GABRG3: variants seen among roughly 807,000 people sequenced by gnomAD.
GABRG3 encodes the protein gamma-aminobutyric acid receptor subunit gamma-3.
Under a neutral mutation model 48.8 loss-of-function variants are expected in GABRG3, and 25 were observed. The observed-to-expected ratio is 0.51, with a 90% CI of 0.37 to 0.72. The LOEUF (loss-of-function observed/expected upper bound fraction) is 0.72, where lower values mean the gene tolerates loss of function less well. Ranked by LOEUF, GABRG3 falls within the 30% of genes least tolerant of loss-of-function variation. The probability of loss-of-function intolerance (pLI) is 0.00; values close to 1 mark genes in which losing one functional copy is unlikely to be tolerated. For missense variants in GABRG3, 394 were observed against 577.9 expected, an observed-to-expected ratio of 0.68 and a Z score of 3.26; for synonymous variants, 227 against 217.6, an observed-to-expected ratio of 1.04 and a Z score of -0.38.
rs999262982 is a variant in GABRG3, at chr15:27,541,129, C to T, written c.*8248C>T. On this transcript the variant is annotated 3_prime_UTR_variant, in exon 10 of 10. Coordinates refer to ENST00000615808, the MANE Select transcript of GABRG3 (RefSeq NM_033223.5). ...CTTCACTACCTGATCAGGAGTCCCT[C>T]TGGGGTCCACACAAGCCTGCCTCCT... 1 of 152,222 alleles carries T rather than the reference C, an allele frequency of 6.6e-6. No homozygotes were observed. Among genetic ancestry groups the T allele is most frequent in the African/African-American group, 2.4e-5 (1 of 41,440 alleles). 9.4% of individuals were successfully genotyped at this position (152,222 alleles called of 1,614,324 possible). A position where few individuals can be genotyped will look rare whatever the true frequency, so the allele number is the denominator to read the frequency against.
intron 5 of GABRG3, chr15:27,365,675 A>C (rs1448810161): frequency 6.6e-6 from 1 of 152,132 alleles, no homozygotes; most frequent in Non-Finnish European, 1.5e-5. Flanking sequence ...CAGTTTCCCC[A>C]CTACCATTAT....
intron 2 of GABRG3, among the ~76,000 whole-genome samples, chr15:27,024,060 C>T (rs1245491708): frequency 1.3e-5 from 2 of 152,122 alleles, no homozygotes; most frequent in Middle Eastern, 3.4e-3. Context: ...TTTGCATTTC[C>T]CTAATAACTA....
At chr15:27,248,002 A>G (rs1566978930) in intron 3 of GABRG3, among the ~76,000 whole-genome samples, 1 of 152,212 alleles carries the variant, frequency 6.6e-6, no homozygotes, top group Non-Finnish European at 1.5e-5. Context: ...GATGTCCAAT[A>G]CCAGACATGC....
chr15:27,177,171 G>A (rs1887774368), intron 3 of GABRG3, among the ~76,000 whole-genome samples: 1 of 152,168 alleles, frequency 6.6e-6, no homozygotes, highest in Non-Finnish European at 1.5e-5. Context: ...TTTGTGTGCT[G>A]AGTCAATTTC....
At chr15:27,416,453 C>G (rs1438057478) in intron 5 of GABRG3, among the ~76,000 whole-genome samples, 1 of 152,144 alleles carries the variant, frequency 6.6e-6, no homozygotes, top group Non-Finnish European at 1.5e-5. Flanking sequence ...TGAGGGCAGC[C>G]TTTGCTAAGA....
At chr15:27,312,398 AT>A (rs996674150) in intron 3 of GABRG3, among the ~76,000 whole-genome samples, 1 of 152,172 alleles carries the variant, frequency 6.6e-6, no homozygotes, top group Non-Finnish European at 1.5e-5. Context: ...ACAGTAGCTA[AT>A]TTTTTTCTAA....
intron 3 of GABRG3, among the ~76,000 whole-genome samples, chr15:27,052,542 T>C (rs1896473513): frequency 6.6e-6 from 1 of 152,108 alleles, no homozygotes; most frequent in South Asian, 2.1e-4. Context: ...TGAGGGTGCA[T>C]GATGGCAGGC....
At chr15:27,217,646 A>T (rs898252988) in intron 3 of GABRG3, among the ~76,000 whole-genome samples, 4 of 152,144 alleles carry the variant, frequency 2.6e-5, no homozygotes, top group Admixed American at 2.0e-4. Flanking sequence ...AGTGCTTTGT[A>T]TTTTACACAC....
chr15:27,038,039 G>A (rs1896208519), intron 3 of GABRG3, among the ~76,000 whole-genome samples: 1 of 152,146 alleles, frequency 6.6e-6, no homozygotes, highest in Admixed American at 6.5e-5. Context: ...GTGTGCAGCT[G>A]CTTAGCAAGG....
chr15:27,243,167 C>T (rs759772484), intron 3 of GABRG3, among the ~76,000 whole-genome samples: 6 of 152,144 alleles, frequency 3.9e-5, no homozygotes, highest in Non-Finnish European at 7.3e-5. Context: ...CATAATACAA[C>T]CCCCTTCTTA....
At chr15:27,380,989 TCTC>T (rs961796351) in intron 5 of GABRG3, among the ~76,000 whole-genome samples, 51 of 152,078 alleles carry the variant, frequency 3.4e-4, no homozygotes, top group South Asian at 2.5e-3. Flanking sequence ...ACGGTCTCAA[TCTC>T]CTGACCTCGT....
At chr15:27,090,297 G>A (rs933677117) in intron 3 of GABRG3, among the ~76,000 whole-genome samples, 1 of 152,234 alleles carries the variant, frequency 6.6e-6, no homozygotes, top group Admixed American at 6.5e-5. Flanking sequence ...AAGCTATGAT[G>A]TTTGGTAGAT....
At chr15:27,173,972 T>C (rs1674034373) in intron 3 of GABRG3, among the ~76,000 whole-genome samples, 1 of 152,224 alleles carries the variant, frequency 6.6e-6, no homozygotes, top group Non-Finnish European at 1.5e-5. Flanking sequence ...TCTGATTTGA[T>C]AGCTATCAAG....
intron 3 of GABRG3, among the ~76,000 whole-genome samples, chr15:27,126,431 G>C (rs1026234911): frequency 2.6e-5 from 4 of 152,174 alleles, no homozygotes; most frequent in Non-Finnish European, 4.4e-5. Context: ...AGTAGCATCA[G>C]TACTGTTCTC....
chr15:27,421,622 T>A (rs1292122603), intron 5 of GABRG3, among the ~76,000 whole-genome samples: 1 of 150,976 alleles, frequency 6.6e-6, no homozygotes, highest in Non-Finnish European at 1.5e-5. Flanking sequence ...TTCTCAGGCA[T>A]CCATGGGAGT....
intron 3 of GABRG3, among the ~76,000 whole-genome samples, chr15:27,095,177 C>T (rs1897250659): frequency 6.6e-6 from 1 of 152,196 alleles, no homozygotes; most frequent in Non-Finnish European, 1.5e-5. Context: ...TGGACTTAGA[C>T]TGTCTTATCA....
chr15:27,512,488 G>A (rs1445362324), intron 6 of GABRG3, among the ~76,000 whole-genome samples: 2 of 152,166 alleles, frequency 1.3e-5, no homozygotes, highest in South Asian at 4.1e-4. Flanking sequence ...GACTCACGTG[G>A]CCTGTTGATT....
chr15:27,094,103 C>G (rs1403900662), intron 3 of GABRG3, among the ~76,000 whole-genome samples: 2 of 152,174 alleles, frequency 1.3e-5, no homozygotes, highest in Non-Finnish European at 2.9e-5. Flanking sequence ...CGAGTATTTG[C>G]TCCATACAGC....
intron 5 of GABRG3, among the ~76,000 whole-genome samples, chr15:27,336,881 C>T (rs141678240): frequency 1.5e-3 from 225 of 152,246 alleles, no homozygotes; most frequent in African/African-American, 5.2e-3. Context: ...CAACAGCATT[C>T]GAAGCTGAGT....
Sources: allele counts gnomAD v4.1 joint callset (sites outside exome capture counted in the v4.1 genomes callset), GRCh38; gene constraint gnomAD v4.1.1; transcripts MANE v1.5; gene names NCBI Gene and HGNC (gene_info 2026-07-23, HGNC 2026-07-21).